Variants in SHISA6 observed in about 807,000 individuals in gnomAD.
SHISA6 encodes shisa family member 6, also known as protein shisa-6.
SHISA6 carries 22 observed loss-of-function variants against 47.9 expected under a neutral mutation model. The ratio of observed to expected loss-of-function variants is 0.46; its 90% CI spans 0.33 to 0.66. SHISA6 has a LOEUF of 0.66. Ranked by LOEUF, SHISA6 falls within the 30% of genes least tolerant of loss-of-function variation. SHISA6 has a pLI of 0.02. For synonymous variants in SHISA6, 388 were observed against 337.8 expected, an observed-to-expected ratio of 1.15 and a Z score of -1.63; for missense variants, 680 against 764.6, an observed-to-expected ratio of 0.89 and a Z score of 1.30.
At chr17:11,550,249 G>T (rs987542124) in intron 3 of SHISA6, among the ~76,000 whole-genome samples, 3 of 152,078 alleles carry the variant, frequency 2.0e-5, no homozygotes, top group African/African-American at 7.2e-5. Context: ...TAGAGATGGG[G>T]TTTCACCATG....
intron 3 of SHISA6, among the ~76,000 whole-genome samples, chr17:11,389,599 G>A (rs1436702022): frequency 1.3e-5 from 2 of 152,180 alleles, no homozygotes; most frequent in Non-Finnish European, 2.9e-5. Flanking sequence ...TTTGGGAGAG[G>A]AGAGAGGGCG....
intron 3 of SHISA6, among the ~76,000 whole-genome samples, chr17:11,432,935 A>G (rs889146643): frequency 2.6e-5 from 4 of 152,220 alleles, no homozygotes; most frequent in Non-Finnish European, 5.9e-5. Context: ...TGATGGGTAC[A>G]GAGTTTCTTT....
At chr17:11,282,327 A>G (rs1909149955) in intron 2 of SHISA6, among the ~76,000 whole-genome samples, 2 of 152,088 alleles carry the variant, frequency 1.3e-5, no homozygotes, top group African/African-American at 2.4e-5. Context: ...AACAAGATCG[A>G]AAGTTCTTTC....
intron 4 of SHISA6, among the ~76,000 whole-genome samples, chr17:11,553,686 T>C (rs2071950075): frequency 6.6e-6 from 1 of 152,116 alleles, no homozygotes; most frequent in African/African-American, 2.4e-5. Context: ...GGATCCTTAT[T>C]CTGGGCCAAG....
At chr17:11,417,668 C>CT (rs1302771626) in intron 3 of SHISA6, among the ~76,000 whole-genome samples, 1 of 152,236 alleles carries the variant, frequency 6.6e-6, no homozygotes, top group Non-Finnish European at 1.5e-5. Context: ...TAGAAGGCTG[C>CT]TTTGGACCAT....
chr17:11,526,980 T>C (rs965448871), intron 3 of SHISA6, among the ~76,000 whole-genome samples: 39 of 105,874 alleles, frequency 3.7e-4, no homozygotes, highest in African/African-American at 1.2e-3. Context: ...ATCGCCTTGA[T>C]AGCTTCTTGA....
intron 3 of SHISA6, among the ~76,000 whole-genome samples, chr17:11,466,554 A>T (rs1183340729): frequency 6.6e-6 from 1 of 152,116 alleles, no homozygotes; most frequent in Non-Finnish European, 1.5e-5. Context: ...GGTGTGCCCC[A>T]TTCTGTTCCC....
intron 3 of SHISA6, among the ~76,000 whole-genome samples, chr17:11,525,726 G>A (rs1167192661): frequency 1.4e-5 from 2 of 146,978 alleles, no homozygotes; most frequent in Non-Finnish European, 3.0e-5. Flanking sequence ...TTATATAACA[G>A]TCTTTATGGC....
chr17:11,272,979 C>G (rs1354835045), intron 2 of SHISA6, among the ~76,000 whole-genome samples: 1 of 152,196 alleles, frequency 6.6e-6, no homozygotes, highest in Admixed American at 6.5e-5. Flanking sequence ...ACTCGTGCCC[C>G]TGGCCTGCCA....
intron 1 of SHISA6, among the ~76,000 whole-genome samples, chr17:11,252,284 T>C (rs559087128): frequency 1.3e-4 from 20 of 152,312 alleles, no homozygotes; most frequent in Non-Finnish European, 2.8e-4. Context: ...TTCCTTGCTT[T>C]TTTGGCATTT....
intron 2 of SHISA6, among the ~76,000 whole-genome samples, chr17:11,279,818 GGAGA>G (rs1909060163): frequency 1.1e-5 from 1 of 87,248 alleles, no homozygotes; most frequent in Non-Finnish European, 2.6e-5. Context: ...AGAGAAAGAG[GGAGA>G]GAGAGAGAGG....
intron 1 of SHISA6, among the ~76,000 whole-genome samples, chr17:11,262,652 A>T (rs1442075973): frequency 1.3e-4 from 20 of 152,230 alleles, no homozygotes; most frequent in Admixed American, 1.3e-3. Flanking sequence ...AGTTAACAAA[A>T]GCTGCTTTCT....
rs551033681 is a variant in SHISA6, at chr17:11,341,839, T to A, written c.800-37575T>A. ...ATAGACTGCACTTTGATGTCATTTA[T>A]AACAGATTATCAGGAGGAAGACTGT... On this transcript the variant is annotated intron_variant, in intron 2 of 5. Transcript: ENST00000441885. Among the ~76,000 whole-genome samples the A allele has an allele frequency of 5.4e-4, 83 of 152,334 alleles. 1 individual carries two copies. In the South Asian group the frequency reaches 0.016, roughly 29 times the overall value.
intron 1 of SHISA6, among the ~76,000 whole-genome samples, chr17:11,243,219 G>T (rs1039164424): frequency 6.6e-6 from 1 of 151,402 alleles, no homozygotes; most frequent in Non-Finnish European, 1.5e-5. Flanking sequence ...CGCCTTCCTC[G>T]CTGCTGTGCA....
chr17:11,537,116 G>A (rs1280343001), intron 3 of SHISA6, among the ~76,000 whole-genome samples: 1 of 149,816 alleles, frequency 6.7e-6, no homozygotes, highest in Admixed American at 6.7e-5. Flanking sequence ...AAGCAGAATT[G>A]AAAATGAACA....
chr17:11,306,634 G>C (rs1008362), intron 2 of SHISA6, among the ~76,000 whole-genome samples: 1 of 151,908 alleles, frequency 6.6e-6, no homozygotes, highest in African/African-American at 2.4e-5. Flanking sequence ...TTATTTTTTG[G>C]ATGTGATAAG....
intron 2 of SHISA6, among the ~76,000 whole-genome samples, chr17:11,295,793 C>A (rs1207949894): frequency 6.6e-6 from 1 of 151,940 alleles, no homozygotes; most frequent in African/African-American, 2.4e-5. Context: ...GAAACCCCGT[C>A]TCTACTAAAA....
Position 11,530,338 on chromosome 17 carries a change from G to GA in SHISA6, c.896-21556dup, listed in dbSNP as rs34168744. Among the ~76,000 whole-genome samples the GA allele has an allele frequency of 9.9e-5, 15 of 152,268 alleles. No individual in the cohort carries two copies. The East Asian group carries it at 2.5e-3, about 25-fold the overall frequency. ...TAAGCTACCATTGACAGTCATCATG[G>GA]AAGTGTGCATTATTGACTTAGAAAA... is the stretch of plus-strand genomic sequence containing the variant. On this transcript the variant is annotated intron_variant, in intron 3 of 5. Transcript: ENST00000441885.
At chr17:11,374,991 C>T (rs1912750076) in intron 2 of SHISA6, among the ~76,000 whole-genome samples, 1 of 152,088 alleles carries the variant, frequency 6.6e-6, no homozygotes, top group African/African-American at 2.4e-5. Flanking sequence ...TGTCCCACCT[C>T]TACAAAAATG....
Sources: allele counts gnomAD v4.1 joint callset (sites outside exome capture counted in the v4.1 genomes callset), GRCh38; gene constraint gnomAD v4.1.1; transcripts MANE v1.5; gene names NCBI Gene and HGNC (gene_info 2026-07-23, HGNC 2026-07-21).